The following LRRC8C variants were observed in gnomAD, a reference collection of about 807,000 sequenced individuals.
LRRC8C encodes the protein leucine rich repeat containing 8 VRAC subunit C.
A neutral mutation model predicts 55.3 loss-of-function variants in LRRC8C; 20 were observed. That is an observed-to-expected ratio of 0.36 (90% CI 0.25 to 0.53). LRRC8C has a LOEUF of 0.53. Ranked by LOEUF, LRRC8C falls within the 20% of genes least tolerant of loss-of-function variation. The pLI, the probability that LRRC8C is intolerant of heterozygous loss-of-function variation, is 0.92. For missense variants in LRRC8C, 659 were observed against 951.4 expected, an observed-to-expected ratio of 0.69 and a Z score of 4.04; for synonymous variants, 376 against 360.7, an observed-to-expected ratio of 1.04 and a Z score of -0.48.
chr1:89,682,162 G>A (rs1026892885), intron 1 of LRRC8C, among the ~76,000 whole-genome samples: 9 of 152,188 alleles, frequency 5.9e-5, no homozygotes, highest in Non-Finnish European at 1.3e-4. Flanking sequence ...GGGCGACAGA[G>A]CGAGACTCTG....
chr1:89,637,260 A>G (rs565545499), intron 1 of LRRC8C, among the ~76,000 whole-genome samples: 1 of 151,834 alleles, frequency 6.6e-6, no homozygotes, highest in African/African-American at 2.4e-5. Flanking sequence ...TTAGATGGGT[A>G]ATGGTTCAAA....
At chr1:89,684,736 G>T (rs1657822282) in intron 1 of LRRC8C, among the ~76,000 whole-genome samples, 1 of 152,236 alleles carries the variant, frequency 6.6e-6, no homozygotes. Flanking sequence ...AATGTATTGA[G>T]CTTTTGTGCA....
At chr1:89,645,986 T>TAG in intron 1 of LRRC8C, among the ~76,000 whole-genome samples, 1 of 151,468 alleles carries the variant, frequency 6.6e-6, no homozygotes, top group Non-Finnish European at 1.5e-5. Flanking sequence ...GATAGATAGA[T>TAG]ATGGTTACTT....
chr1:89,621,613 A>G, the LRRC8C span, among the ~76,000 whole-genome samples: 3 of 152,316 alleles, frequency 2.0e-5, no homozygotes, highest in South Asian at 6.2e-4. Flanking sequence ...CAGCATCACA[A>G]TGTGCCCACC....
chr1:89,673,191 A>C (rs1449919267), intron 1 of LRRC8C, among the ~76,000 whole-genome samples: 1 of 151,824 alleles, frequency 6.6e-6, no homozygotes, highest in African/African-American at 2.4e-5. Context: ...AGCATTTGTG[A>C]TTAATATATT....
intron 2 of LRRC8C, among the ~76,000 whole-genome samples, chr1:89,687,912 G>A (rs1326332029): frequency 6.6e-6 from 1 of 152,154 alleles, no homozygotes; most frequent in Non-Finnish European, 1.5e-5. Context: ...TTAAAAGTTG[G>A]CCTTAAAAAT....
Position 89,713,822 on chromosome 1 carries a change from C to G in LRRC8C, c.1252C>G (p.Leu418Val). Residue 418 changes from leucine (L) to valine (V), a missense_variant, in exon 3 of 3, where the codon CTA becomes GTA. Around this residue, in one of 5 missense-constraint regions of LRRC8C, gnomAD observed 344 missense variants for 464.6 expected, o/e 0.74. Coordinates refer to ENST00000370454, the MANE Select transcript of LRRC8C (RefSeq NM_032270.5). This position sits in a 1 kb window ranked among gnomAD's most constrained non-coding sequence, Gnocchi z 5.2. ...EWTPDKLRQK[L>V]QTNAHNRLEL... ...GACTCCTGATAAACTGAGGCAGAAG[C>G]TACAGACAAATGCCCATAATCGACT... 6.2e-7 allele frequency: 1 copy of G among 1,614,186 alleles called. No individual in the cohort carries two copies. The highest frequency in any genetic ancestry group is 1.1e-5 in the South Asian group (1 of 91,086).
intron 2 of LRRC8C, among the ~76,000 whole-genome samples, chr1:89,701,690 A>C (rs905654157): frequency 1.2e-4 from 19 of 152,138 alleles, no homozygotes; most frequent in Non-Finnish European, 1.6e-4. Context: ...TAATTTTTGT[A>C]TTATGATACA....
chr1:89,636,274 T>G (rs1362281873), intron 1 of LRRC8C, among the ~76,000 whole-genome samples: 2 of 152,190 alleles, frequency 1.3e-5, no homozygotes, highest in East Asian at 3.8e-4. Context: ...TGGTAGAAAC[T>G]TCTGCTGTAT....
chr1:89,629,843 T>C, upstream of LRRC8C: 1 of 152,356 alleles, frequency 6.6e-6, no homozygotes, highest in Non-Finnish European at 1.5e-5. Context: ...TGTGGAGGCT[T>C]CATAGAGAAG....
chr1:89,711,038 C>T (rs563752314), intron 2 of LRRC8C, among the ~76,000 whole-genome samples: 45 of 152,308 alleles, frequency 3.0e-4, no homozygotes, highest in African/African-American at 7.9e-4. Context: ...TATGAAAAGA[C>T]GGTCAGCTGC....
chr1:89,697,517 ATTAT>A (rs1420718363), intron 2 of LRRC8C, among the ~76,000 whole-genome samples: 3 of 152,210 alleles, frequency 2.0e-5, no homozygotes, highest in Non-Finnish European at 4.4e-5. Context: ...TTTTTCCTGT[ATTAT>A]TTTAAGAGCA....
chr1:89,659,898 T>TAA (rs1239515689), intron 1 of LRRC8C, among the ~76,000 whole-genome samples: 4 of 152,164 alleles, frequency 2.6e-5, no homozygotes, highest in African/African-American at 9.6e-5. Flanking sequence ...GAATTTACAG[T>TAA]GTGGGAATGG....
chr1:89,658,243 A>G (rs1396563451), intron 1 of LRRC8C, among the ~76,000 whole-genome samples: 8 of 152,156 alleles, frequency 5.3e-5, no homozygotes, highest in African/African-American at 1.9e-4. Flanking sequence ...CTGTTGACAT[A>G]TTTGAACTGA....
chr1:89,667,730 T>A (rs1216902902), intron 1 of LRRC8C, among the ~76,000 whole-genome samples: 1 of 152,158 alleles, frequency 6.6e-6, no homozygotes, highest in Non-Finnish European at 1.5e-5. Flanking sequence ...TAAAGTGGTT[T>A]GCTATGTTTT....
At chr1:89,682,442 A>T (rs1657742002) in intron 1 of LRRC8C, among the ~76,000 whole-genome samples, 1 of 152,172 alleles carries the variant, frequency 6.6e-6, no homozygotes, top group Non-Finnish European at 1.5e-5. Context: ...TTTTCAAAGG[A>T]AGACTTAGAT....
At chr1:89,649,171 C>T (rs913676423) in intron 1 of LRRC8C, among the ~76,000 whole-genome samples, 2 of 152,116 alleles carry the variant, frequency 1.3e-5, no homozygotes, top group Non-Finnish European at 2.9e-5. Context: ...TGCATCCTAT[C>T]CCTAACTAAA....
In LRRC8C at chr1:89,713,468, A is replaced by G. The variant is rs1404876112; in HGVS notation, c.898A>G (p.Met300Val). 5.0e-6 allele frequency: 8 copies of G among 1,614,180 alleles called. No homozygotes were observed. The Admixed American group carries it at 6.7e-5, about 13-fold the overall frequency. Residue 300 changes from methionine to valine, a missense_variant, in exon 3 of 3, where the codon ATG becomes GTG. Coordinates refer to ENST00000370454, the MANE Select transcript of LRRC8C (RefSeq NM_032270.5). This position sits in a 1 kb window ranked among gnomAD's most constrained non-coding sequence, Gnocchi z 5.2. ...TVDCNVDIQD[M>V]TGYKNFSCNH... The stretch of plus-strand genomic sequence containing the variant: ...GGACTGTAATGTGGACATTCAGGAC[A>G]TGACTGGATATAAAAACTTTTCTTG...
At chr1:89,675,741 C>T (rs751604574) in intron 1 of LRRC8C, among the ~76,000 whole-genome samples, 5 of 151,964 alleles carry the variant, frequency 3.3e-5, no homozygotes, top group African/African-American at 4.8e-5. Context: ...GTTTAGAATC[C>T]GATTGGGATT....
Sources: allele counts gnomAD v4.1 joint callset (sites outside exome capture counted in the v4.1 genomes callset), GRCh38; gene constraint gnomAD v4.1.1; regional missense constraint gnomAD v4.1.1; non-coding constraint Gnocchi (gnomAD v3.1); transcripts MANE v1.5; gene names NCBI Gene and HGNC (gene_info 2026-07-23, HGNC 2026-07-21).